CDK15: variants seen among roughly 807,000 people sequenced by gnomAD.
The protein encoded by CDK15 is cyclin-dependent kinase 15.
A neutral mutation model predicts 60.3 loss-of-function variants in CDK15; 62 were observed. That is an observed-to-expected ratio of 1.03 (90% confidence interval 0.84 to 1.27). CDK15 has a LOEUF of 1.27. Among genes scored for constraint, CDK15 ranks in the 50% most tolerant of loss-of-function variants. The probability of loss-of-function intolerance (pLI) is 0.00; values close to 1 mark genes in which losing one functional copy is unlikely to be tolerated. For missense variants in CDK15, 541 were observed against 527.8 expected (o/e 1.03, Z -0.25); for synonymous variants, 194 against 195.7 (o/e 0.99, Z 0.07).
At chr2:201,886,860 C>G (rs1450442020) in intron 12 of CDK15, among the ~76,000 whole-genome samples, 1 of 152,108 alleles carries the variant, frequency 6.6e-6, no homozygotes, top group Admixed American at 6.5e-5. Flanking sequence ...CCTAATAGCT[C>G]CCAGTGTTGA....
At chr2:201,854,959 G>A in intron 10 of CDK15, 22 bp downstream of exon 10, 1 of 1,610,130 alleles carries the variant, frequency 6.2e-7, no homozygotes, top group Non-Finnish European at 8.5e-7. Context: ...CTGAGCTTCT[G>A]AATACTCTGA....
At chr2:201,840,267 G>A (rs1170012602) in intron 8 of CDK15, among the ~76,000 whole-genome samples, 3 of 152,130 alleles carry the variant, frequency 2.0e-5, no homozygotes, top group South Asian at 2.1e-4. Flanking sequence ...GAGCCACCGC[G>A]CCTGGCCAAG....
chr2:201,836,142 A>AT (rs1284605537), intron 8 of CDK15, among the ~76,000 whole-genome samples: 17 of 96,280 alleles, frequency 1.8e-4, no homozygotes, highest in Admixed American at 5.3e-4. Context: ...ATATTTATAT[A>AT]TTATATATAT....
intron 1 of CDK15, 142 bp downstream of exon 1, chr2:201,806,929 T>A: frequency 9.7e-7 from 1 of 1,028,692 alleles, no homozygotes; most frequent in Non-Finnish European, 1.3e-6. Context: ...ACAGAAAATT[T>A]ATGGCTGTAG....
At chr2:201,884,244 C>G (rs973229350) in intron 12 of CDK15, among the ~76,000 whole-genome samples, 1 of 152,142 alleles carries the variant, frequency 6.6e-6, no homozygotes, top group African/African-American at 2.4e-5. Flanking sequence ...AAGTCTCATA[C>G]TTGAGTCTCC....
At position 201,807,925 on chromosome 2, in the gene CDK15, A is replaced by T. The variant is rs1418823906; in HGVS notation, c.341A>T (p.Tyr114Phe). The T allele has an allele frequency of 6.2e-7, 1 of 1,614,108 alleles. No individual in the cohort carries two copies. The highest frequency in any genetic ancestry group is 8.5e-7 in the Non-Finnish European group (1 of 1,180,012). ...TTGGAGAAGCTGGGTGAAGGCTCTT[A>T]TGCGACAGTTTACAAGGGGATTAGC... is the stretch of plus-strand genomic sequence containing the variant. Reference protein sequence around the residue: ...LNLEKLGEGSYATVYKGISRI... With the variant: ...LNLEKLGEGSFATVYKGISRI... The change falls in exon 3 of 14, where the codon TAT becomes TTT. Residue 114 changes from tyrosine (Y) to phenylalanine (F), a missense_variant. Transcript: ENST00000652192.
At chr2:201,856,361 G>A (rs1698144032) in intron 10 of CDK15, among the ~76,000 whole-genome samples, 1 of 152,170 alleles carries the variant, frequency 6.6e-6, no homozygotes, top group Admixed American at 6.5e-5. Context: ...AAGACTAACT[G>A]TAAAGTCCTT....
intron 8 of CDK15, among the ~76,000 whole-genome samples, chr2:201,836,987 G>C (rs2105750187): frequency 6.6e-6 from 1 of 152,008 alleles, no homozygotes; most frequent in African/African-American, 2.4e-5. Flanking sequence ...TGGAATTGTA[G>C]TACAAATATA....
rs1198739067 is a variant in CDK15 at position 201,895,364 on chromosome 2, C to T, written c.*2097C>T. The T allele has an allele frequency of 6.6e-6, 1 of 152,170 alleles. No individual in the cohort carries two copies. The allele number at this position is 152,170 out of a possible 1,614,324, so 9.4% of individuals were successfully genotyped here. ...ATTAAGTGGAAGTTGACAGAATTATCCTCTTTATAATGGAGGAACATTATG... is the reference window on the plus strand; with the variant it reads ...ATTAAGTGGAAGTTGACAGAATTATTCTCTTTATAATGGAGGAACATTATG... On this transcript the variant is annotated 3_prime_UTR_variant, in exon 14 of 14. Transcript: ENST00000652192.
chr2:201,867,441 T>C (rs1039213109), intron 10 of CDK15, among the ~76,000 whole-genome samples: 5 of 152,040 alleles, frequency 3.3e-5, no homozygotes, highest in African/African-American at 7.2e-5. Flanking sequence ...CTGGGCAACA[T>C]AGGGAGACCC....
At chr2:201,823,907 A>G (rs1434597997) in intron 6 of CDK15, among the ~76,000 whole-genome samples, 180 bp downstream of exon 6, 1 of 152,222 alleles carries the variant, frequency 6.6e-6, no homozygotes, top group Non-Finnish European at 1.5e-5. Context: ...GGAAAGAAAA[A>G]AGAAAAAGAG....
chr2:201,822,291 T>C (rs7585095), intron 4 of CDK15, among the ~76,000 whole-genome samples: 138,334 of 152,240 alleles, frequency 0.91, 63,421 homozygotes, highest in East Asian at 1. Context: ...GTCTCTATCA[T>C]GTTTCAACAG....
At chr2:201,836,485 C>T (rs1465616612) in intron 8 of CDK15, among the ~76,000 whole-genome samples, 3 of 151,690 alleles carry the variant, frequency 2.0e-5, no homozygotes, top group Non-Finnish European at 4.4e-5. Flanking sequence ...AGATTGGGGT[C>T]TTGCTATATT....
chr2:201,876,551 GC>G lies in CDK15; in HGVS notation c.1059-3474del, dbSNP rs758171899. 89 of 1,286,674 alleles carry G rather than the reference GC, an allele frequency of 6.9e-5. No homozygotes were observed. The South Asian group carries it at 1.0e-3, about 14-fold the overall frequency. 79.7% of individuals were successfully genotyped at this position (1,286,674 alleles called of 1,614,324 possible). On this transcript the variant is annotated intron_variant, in intron 11 of 13. Transcript: ENST00000652192. ...GGAAGAGACTTCACTTGCCCGCTTT[GC>G]CCTGGTGACCACCTCTACCGGCGAA...
At chr2:201,818,360 T>A (rs1234397618) in intron 4 of CDK15, among the ~76,000 whole-genome samples, 4 of 152,192 alleles carry the variant, frequency 2.6e-5, no homozygotes, top group African/African-American at 9.6e-5. Flanking sequence ...CAAAAATAAG[T>A]ATACATAGGA....
intron 12 of CDK15, chr2:201,889,156 G>T (rs577796468): frequency 4.1e-6 from 4 of 985,380 alleles, no homozygotes; most frequent in Non-Finnish European, 4.8e-6. Flanking sequence ...TCTTCCCTTT[G>T]GGTGTGAGCA....
At chr2:201,816,455 GTTTTTTTTTTTTTT>G (rs55930032) in intron 4 of CDK15, among the ~76,000 whole-genome samples, 1 of 79,854 alleles carries the variant, frequency 1.3e-5, no homozygotes, top group Non-Finnish European at 2.3e-5. Flanking sequence ...TAAGGAAATG[GTTTTTTTTTTTTTT>G]TTTTTTTTTT....
chr2:201,881,273 G>T (rs181555936), intron 12 of CDK15, among the ~76,000 whole-genome samples: 1 of 152,298 alleles, frequency 6.6e-6, no homozygotes, highest in East Asian at 1.9e-4. Context: ...TGACTAAAGT[G>T]AGTCATTTAG....
intron 10 of CDK15, among the ~76,000 whole-genome samples, chr2:201,858,650 G>A (rs1698249550): frequency 6.6e-6 from 1 of 152,042 alleles, no homozygotes; most frequent in African/African-American, 2.4e-5. Flanking sequence ...GGGTTCTGAC[G>A]AGCACGGATT....
Sources: gnomAD v4.1 joint callset for allele counts (sites outside exome capture counted in the v4.1 genomes callset) on GRCh38, gnomAD v4.1.1 for gene constraint, MANE v1.5 for transcripts, NCBI Gene and HGNC (gene_info 2026-07-23, HGNC 2026-07-21) for gene names.